ARFIP2: variants seen among roughly 807,000 people sequenced by gnomAD.
The protein encoded by ARFIP2 is arfaptin-2.
ARFIP2 carries 14 observed loss-of-function variants against 39.2 expected under a neutral mutation model. That is an observed-to-expected ratio of 0.36 (90% CI 0.24 to 0.56). The LOEUF (loss-of-function observed/expected upper bound fraction) is 0.56, where lower values mean the gene tolerates loss of function less well. ARFIP2 is among the 20% of genes least tolerant of loss of function. The pLI, the probability that ARFIP2 is intolerant of heterozygous loss-of-function variation, is 0.85. For missense variants in ARFIP2, 305 were observed against 422.5 expected, an observed-to-expected ratio of 0.72 and a Z score of 2.44; for synonymous variants, 167 against 172.4, an observed-to-expected ratio of 0.97 and a Z score of 0.24.
intron 3 of ARFIP2, 103 bp from the exon 4 acceptor site, chr11:6,479,361 A>C: frequency 6.2e-7 from 1 of 1,604,820 alleles, no homozygotes; most frequent in Middle Eastern, 1.7e-4. Context: ...GACTTCCCTG[A>C]AGGAGATGCT....
chr11:6,477,580 G>T lies in ARFIP2; in HGVS notation c.870+138C>A. 2.0e-6 allele frequency: 2 copies of T among 988,978 alleles called. No individual in the cohort carries two copies. Among genetic ancestry groups the T allele is most frequent in the Non-Finnish European group, 2.9e-6 (2 of 686,012 alleles). 61.3% of individuals were successfully genotyped at this position (988,978 alleles called of 1,614,324 possible). A position where few individuals can be genotyped will look rare whatever the true frequency, so the allele number is the denominator to read the frequency against. On this transcript the variant is annotated intron_variant, in intron 7 of 7. Coordinates refer to ENST00000396777, the MANE Select transcript of ARFIP2 (RefSeq NM_001376558.2). The surrounding 1 kb of genome is among the most constrained non-coding windows in gnomAD (Gnocchi z 4.8). ...AATTGGAGGGAGGGTGATCTGGAAA[G>T]GCCCAGGGGTTGAGGGGGTGAACAC...
intron 1 of ARFIP2, 189 bp downstream of exon 1, chr11:6,481,042 C>A: frequency 4.6e-6 from 1 of 218,556 alleles, no homozygotes; most frequent in Non-Finnish European, 9.2e-6. Context: ...TGGTAAAAGC[C>A]TCTCTCTCCC....
At chr11:6,479,491 G>T in intron 3 of ARFIP2, 2 of 685,840 alleles carry the variant, frequency 2.9e-6, no homozygotes, top group Non-Finnish European at 2.4e-6. Flanking sequence ...GGGAGTTGTT[G>T]GTGTACAGGG....
rs894282824 is a variant in ARFIP2 at position 6,478,875 on chromosome 11, G to C, written c.400C>G (p.Arg134Gly). The C allele has an allele frequency of 1.2e-6, 2 of 1,614,062 alleles. No homozygotes were observed. Among genetic ancestry groups the C allele is most frequent in the African/African-American group, 2.7e-5 (2 of 74,918 alleles). ...CTCTCATACTTGCGCTTCGTCTCAC[G>C]CAGCAACTCAATCTGCAGCTCTAGC... ...LELELQIELL[R>G]ETKRKYESVL... The change falls in exon 5 of 8, where the codon CGT becomes GGT. Residue 134 changes from arginine to glycine, a missense_variant. By Grantham distance (125) the Arg-to-Gly change is moderately radical. This residue lies in a region of ARFIP2 where 151 missense variants were observed against 203.1 expected (regional missense o/e 0.74). Transcript: ENST00000396777. The surrounding 1 kb of genome is among the most constrained non-coding windows in gnomAD (Gnocchi z 4.8).
At chr11:6,479,697 GA>G in intron 3 of ARFIP2, 2 of 549,110 alleles carry the variant, frequency 3.6e-6, no homozygotes, top group South Asian at 2.3e-5. Flanking sequence ...TCAAGCTGTA[GA>G]GGGGGGGCAT....
rs200702665 is a variant in ARFIP2, at chr11:6,478,211, G to A, written c.538-13C>T. The A allele has an allele frequency of 3.1e-6, 5 of 1,613,902 alleles. No individual in the cohort carries two copies. Among genetic ancestry groups the A allele is most frequent in the Non-Finnish European group, 4.2e-6 (5 of 1,179,892 alleles). On this transcript the variant is annotated splice_polypyrimidine_tract_variant and intron_variant, in intron 5 of 7. Coordinates refer to ENST00000396777, the MANE Select transcript of ARFIP2 (RefSeq NM_001376558.2). The surrounding 1 kb of genome is among the most constrained non-coding windows in gnomAD (Gnocchi z 4.8). ...AGCCAAATTCCTCCTGAGGGCAGAA[G>A]GGAGGAACAGACCTTGAATAACACT...
rs750488073 is a variant in ARFIP2 at position 6,477,999 on chromosome 11, C to T, written c.695+42G>A. ...CCTAATGCCCAAATTTCCACCCATA[C>T]CAGCCAACTCCCCAAACCCTAAGCC... On this transcript the variant is annotated intron_variant, in intron 6 of 7. Coordinates refer to ENST00000396777, the MANE Select transcript of ARFIP2 (RefSeq NM_001376558.2). This position sits in a 1 kb window ranked among gnomAD's most constrained non-coding sequence, Gnocchi z 4.8. 1.2e-6 allele frequency: 2 copies of T among 1,607,726 alleles called. No homozygotes were observed. The highest frequency in any genetic ancestry group is 1.7e-6 in the Non-Finnish European group (2 of 1,175,262).
rs771973302 is a variant in ARFIP2, at chr11:6,479,975, T to C, written c.193A>G (p.Thr65Ala). The change falls in exon 3 of 8, where the codon ACA (threonine) becomes GCA (alanine). Residue 65 changes from threonine (T) to alanine (A), a missense_variant. Transcript: ENST00000396777. Reference protein sequence around the residue: ...YGGSGDGLIPTGSGRHPSHST... With the variant: ...YGGSGDGLIPAGSGRHPSHST... Reference sequence around the variant, plus strand: ...TCCTGTTTCTGAACATTCATACCTGTGGGGATGAGTCCATCACCAGAGCCC... The same window carrying C: ...TCCTGTTTCTGAACATTCATACCTGCGGGGATGAGTCCATCACCAGAGCCC... 5 of 1,613,828 alleles carry C rather than the reference T, an allele frequency of 3.1e-6. No individual in the cohort carries two copies. Among genetic ancestry groups the C allele is most frequent in the Non-Finnish European group, 4.2e-6 (5 of 1,179,890 alleles).
rs374175066 is a variant in ARFIP2, at chr11:6,478,213, G to C, written c.538-15C>G. The C allele has an allele frequency of 9.9e-6, 16 of 1,613,752 alleles. No homozygotes were observed. The highest frequency in any genetic ancestry group is 1.3e-5 in the Non-Finnish European group (15 of 1,179,884). ...CCAAATTCCTCCTGAGGGCAGAAGG[G>C]AGGAACAGACCTTGAATAACACTCC... On this transcript the variant is annotated splice_polypyrimidine_tract_variant and intron_variant, in intron 5 of 7. Transcript: ENST00000396777. The surrounding 1 kb of genome is among the most constrained non-coding windows in gnomAD (Gnocchi z 4.8).
chr11:6,478,282 G>A lies in ARFIP2; in HGVS notation c.538-84C>T, dbSNP rs1455893623. 46 of 1,521,864 alleles carry A rather than the reference G, an allele frequency of 3.0e-5. 1 individual carries two copies. Among genetic ancestry groups the A allele is most frequent in the South Asian group, 4.8e-5 (4 of 83,370 alleles). 94.3% of individuals were successfully genotyped at this position (1,521,864 alleles called of 1,614,324 possible). ...AGAGCCCTTCATTCCCCTCCTCCCC[G>A]GGGAGGACACAGCCAGCAAAACTGG... On this transcript the variant is annotated intron_variant, in intron 5 of 7. Transcript: ENST00000396777. The surrounding 1 kb of genome is among the most constrained non-coding windows in gnomAD (Gnocchi z 4.8).
In ARFIP2 at chr11:6,477,273, G is replaced by C; in HGVS notation, c.871-5C>G. ...CTGCTTGTGCATCACCTTGATCTGG[G>C]GGTCCAGCAGGGTCAGCTAAGGCTG... On this transcript the variant is annotated splice_polypyrimidine_tract_variant and splice_region_variant and intron_variant, in intron 7 of 7. Transcript: ENST00000396777. The surrounding 1 kb of genome is among the most constrained non-coding windows in gnomAD (Gnocchi z 4.8). The C allele has an allele frequency of 6.2e-7, 1 of 1,611,258 alleles. No homozygotes were observed. Among genetic ancestry groups the C allele is most frequent in the Non-Finnish European group, 8.5e-7 (1 of 1,178,978 alleles).
intron 3 of ARFIP2, 196 bp downstream of exon 3, chr11:6,479,776 G>C: frequency 1.7e-6 from 1 of 603,274 alleles, no homozygotes. Context: ...CATTTCAGGG[G>C]CTAAGTGGCA....
chr11:6,477,740 A>G lies in ARFIP2; in HGVS notation c.848T>C (p.Leu283Pro). The stretch of plus-strand genomic sequence containing the variant: ...CACCTTGTTTTCTTCCAGGAACTTG[A>G]GCTTGATGGCCACATCTCCCCGCAG... ...EKLRGDVAIK[L>P]KFLEENKIKV... is the part of the protein sequence containing the mutation. The change falls in exon 7 of 8, where the codon CTC becomes CCC. Residue 283 changes from leucine to proline, a missense_variant. This residue lies in a region of ARFIP2 where 112 missense variants were observed against 118.2 expected (regional missense o/e 0.95). Transcript: ENST00000396777. This position sits in a 1 kb window ranked among gnomAD's most constrained non-coding sequence, Gnocchi z 4.8. The G allele has an allele frequency of 6.2e-7, 1 of 1,613,708 alleles. No individual in the cohort carries two copies. Among genetic ancestry groups the G allele is most frequent in the Non-Finnish European group, 8.5e-7 (1 of 1,179,868 alleles).
Position 6,481,314 on chromosome 11 carries a change from G to A in ARFIP2, c.-126C>T. On this transcript the variant is annotated 5_prime_UTR_variant, in exon 1 of 8. Coordinates refer to ENST00000396777, the MANE Select transcript of ARFIP2 (RefSeq NM_001376558.2). ...GGCTCCAGTTCCCGTCGCGATCCTA[G>A]CAGCAGGTCAGGGACTCGGCGGAAA... is the stretch of plus-strand genomic sequence containing the variant. 3 of 775,554 alleles carry A rather than the reference G, an allele frequency of 3.9e-6. No homozygotes were observed. The South Asian group carries it at 5.2e-5, about 13-fold the overall frequency. The allele number at this position is 775,554 out of a possible 1,614,324, so 48.0% of individuals were successfully genotyped here. A position where few individuals can be genotyped will look rare whatever the true frequency, so the allele number is the denominator to read the frequency against.
Position 6,477,093 on chromosome 11 carries a change from C to A in ARFIP2, c.*20G>T. On this transcript the variant is annotated 3_prime_UTR_variant, in exon 8 of 8. Coordinates refer to ENST00000396777, the MANE Select transcript of ARFIP2 (RefSeq NM_001376558.2). This position sits in a 1 kb window ranked among gnomAD's most constrained non-coding sequence, Gnocchi z 4.8. The stretch of plus-strand genomic sequence containing the variant: ...CCTTCCCAATGTCTTTCTTGATAGC[C>A]AAGTTGGGCTGGGAGCAGCTCACTG... The A allele has an allele frequency of 1.3e-6, 2 of 1,599,552 alleles. No homozygotes were observed. The highest frequency in any genetic ancestry group is 1.1e-5 in the South Asian group (1 of 89,434).
In ARFIP2 at chr11:6,480,338, A is replaced by T; in HGVS notation, c.84T>A (p.Asp28Glu). Residue 28 changes from aspartate to glutamate, a missense_variant, in exon 2 of 8, where the codon GAT (aspartate) becomes GAA (glutamate). Coordinates refer to ENST00000396777, the MANE Select transcript of ARFIP2 (RefSeq NM_001376558.2). ...ACAGAAGCACCTGCTCCAGCCCATCATCTTCAGGAAGCTGCCTGGCTTCGC... is the reference window on the plus strand; with the variant it reads ...ACAGAAGCACCTGCTCCAGCCCATCTTCTTCAGGAAGCTGCCTGGCTTCGC... ...GNGEARQLPE[D>E]DGLEQDLQQV... 1 of 1,613,478 alleles carries T rather than the reference A, an allele frequency of 6.2e-7. No individual in the cohort carries two copies. Among genetic ancestry groups the T allele is most frequent in the Non-Finnish European group, 8.5e-7 (1 of 1,179,742 alleles).
chr11:6,478,336 T>C lies in ARFIP2; in HGVS notation c.538-138A>G. On this transcript the variant is annotated intron_variant, in intron 5 of 7. Coordinates refer to ENST00000396777, the MANE Select transcript of ARFIP2 (RefSeq NM_001376558.2). The surrounding 1 kb of genome is among the most constrained non-coding windows in gnomAD (Gnocchi z 4.8). Reference sequence around the variant, plus strand: ...AACCAAGGACTGCCTCCAGCAAGGCTCTCTTAGCCGGAAAGTTAGTGGGAT... The same window carrying C: ...AACCAAGGACTGCCTCCAGCAAGGCCCTCTTAGCCGGAAAGTTAGTGGGAT... The C allele has an allele frequency of 6.0e-6, 7 of 1,176,112 alleles. No homozygotes were observed. The highest frequency in any genetic ancestry group is 8.4e-6 in the Non-Finnish European group (7 of 834,670). The allele number at this position is 1,176,112 out of a possible 1,614,324, so 72.9% of individuals were successfully genotyped here. A position where few individuals can be genotyped will look rare whatever the true frequency, so the allele number is the denominator to read the frequency against.
chr11:6,480,283 T>C, intron 2 of ARFIP2, 40 bp downstream of exon 2: 1 of 1,585,726 alleles, frequency 6.3e-7, no homozygotes, highest in Non-Finnish European at 8.6e-7. Flanking sequence ...ATAAATTGGA[T>C]TCCTAAATTG....
chr11:6,479,832 G>C, intron 3 of ARFIP2, 140 bp downstream of exon 3: 2 of 817,456 alleles, frequency 2.4e-6, no homozygotes. Flanking sequence ...TTGGGCTGAG[G>C]AGAGTCCATG....
Sources: allele counts gnomAD v4.1 joint callset, GRCh38; gene constraint gnomAD v4.1.1; regional missense constraint gnomAD v4.1.1; non-coding constraint Gnocchi (gnomAD v3.1); transcripts MANE v1.5; gene names NCBI Gene and HGNC (gene_info 2026-07-23, HGNC 2026-07-21).